The following EXD1 variants were observed in gnomAD, a reference collection of about 807,000 sequenced individuals.
EXD1 encodes the protein exonuclease 3'-5' domain containing 1, also known as piRNA biogenesis protein EXD1.
Under a neutral mutation model 49.1 loss-of-function variants are expected in EXD1, and 63 were observed. The ratio of observed to expected loss-of-function variants is 1.28; its 90% CI spans 1.05 to 1.58. The LOEUF (loss-of-function observed/expected upper bound fraction) is 1.58. Among genes scored for constraint, EXD1 ranks in the 40% most tolerant of loss-of-function variants. The pLI, the probability that EXD1 is intolerant of heterozygous loss-of-function variation, is 0.00. For missense variants in EXD1, 748 were observed against 666.0 expected (o/e 1.12, Z -1.36); for synonymous variants, 234 against 239.2 (o/e 0.98, Z 0.20).
chr15:41,220,271 C>T (rs1345016590), intron 2 of EXD1, among the ~76,000 whole-genome samples: 1 of 151,502 alleles, frequency 6.6e-6, no homozygotes, highest in African/African-American at 2.4e-5. Context: ...GGGCAGCCTG[C>T]AACTTTTTTT....
Position 41,184,220 on chromosome 15 carries a change from G to A in EXD1, c.1430C>T (p.Ser477Leu), listed in dbSNP as rs2046368557. ...NKLICTKSKG[S>L]EDQRITQKEH... ...TTTCTGAGTTATTCTCTGGTCCTCT[G>A]ACCCCTTTGACTTTGTGCAAATGAG... The change falls in exon 12 of 12, where the codon TCA (serine) becomes TTA (leucine). Residue 477 changes from serine (S) to leucine (L), a missense_variant. By Grantham distance (145) the Ser-to-Leu change is moderately radical. Coordinates refer to ENST00000458580, the MANE Select transcript of EXD1 (RefSeq NM_001286441.2). 6.2e-7 allele frequency: 1 copy of A among 1,614,026 alleles called. No homozygotes were observed. The highest frequency in any genetic ancestry group is 8.5e-7 in the Non-Finnish European group (1 of 1,180,046).
At chr15:41,192,843 G>A (rs1406403804) in intron 9 of EXD1, among the ~76,000 whole-genome samples, 9 of 146,928 alleles carry the variant, frequency 6.1e-5, no homozygotes, top group African/African-American at 2.0e-4. Flanking sequence ...TCGCCCAGGC[G>A]GGAGTGCTGT....
chr15:41,217,561 C>A (rs1478377109), intron 3 of EXD1, among the ~76,000 whole-genome samples: 1 of 131,080 alleles, frequency 7.6e-6, no homozygotes, highest in Non-Finnish European at 1.5e-5. Context: ...GATGAAGTCT[C>A]GCACTGTTGC....
At chr15:41,224,681 G>C (rs757449865) in intron 2 of EXD1, among the ~76,000 whole-genome samples, 1 of 152,180 alleles carries the variant, frequency 6.6e-6, no homozygotes, top group Admixed American at 6.6e-5. Context: ...TGTCCTGGCT[G>C]GGCATGGTGG....
At position 41,222,371 on chromosome 15, in the gene EXD1, C is replaced by CT. The variant is rs1344963329; in HGVS notation, c.134-2474dup. ...CGGAGGTTGCAGTGAGTCGAGATCC[C>CT]TCCCAAAGTGCTGAGATTATAGGCA... On this transcript the variant is annotated intron_variant, in intron 2 of 11. Coordinates refer to ENST00000458580, the MANE Select transcript of EXD1 (RefSeq NM_001286441.2). Among the ~76,000 whole-genome samples, 11 of 152,248 alleles carry CT rather than the reference C, an allele frequency of 7.2e-5. No individual in the cohort carries two copies. In the East Asian group the frequency reaches 2.1e-3, roughly 29 times the overall value.
At chr15:41,203,146 A>G (rs996500785) in intron 7 of EXD1, among the ~76,000 whole-genome samples, 11 of 152,278 alleles carry the variant, frequency 7.2e-5, no homozygotes, top group South Asian at 4.1e-4. Flanking sequence ...ACAAAACAAT[A>G]AAAATAAAGG....
Position 41,209,650 on chromosome 15 carries a change from T to G in EXD1, c.448-63A>C, listed in dbSNP as rs1190558740. On this transcript the variant is annotated intron_variant, in intron 6 of 11. Coordinates refer to ENST00000458580, the MANE Select transcript of EXD1 (RefSeq NM_001286441.2). ...AATAAATGTTGGCATGATAACATCA[T>G]GATTGGCACAAATACAATGGTCAGC... The G allele has an allele frequency of 2.9e-6, 4 of 1,378,800 alleles. No homozygotes were observed. In the African/African-American group the frequency reaches 5.7e-5, roughly 20 times the overall value. 85.4% of individuals were successfully genotyped at this position (1,378,800 alleles called of 1,614,324 possible). A position where few individuals can be genotyped will look rare whatever the true frequency, so the allele number is the denominator to read the frequency against.
intron 6 of EXD1, among the ~76,000 whole-genome samples, chr15:41,214,775 T>C (rs962423785): frequency 1.6e-4 from 25 of 152,004 alleles, no homozygotes; most frequent in African/African-American, 6.0e-4. Context: ...AGATGGAGTC[T>C]CGCTCTGTCA....
intron 6 of EXD1, among the ~76,000 whole-genome samples, chr15:41,211,621 G>A (rs2046922356): frequency 6.6e-6 from 1 of 151,700 alleles, no homozygotes; most frequent in Non-Finnish European, 1.5e-5. Flanking sequence ...CCAGGAGTTC[G>A]AGACCAGCCA....
intron 6 of EXD1, among the ~76,000 whole-genome samples, chr15:41,210,184 G>C (rs1250430130): frequency 6.6e-6 from 1 of 152,070 alleles, no homozygotes; most frequent in Non-Finnish European, 1.5e-5. Context: ...CAAAGTGCTG[G>C]GATTACAGGT....
intron 6 of EXD1, among the ~76,000 whole-genome samples, chr15:41,213,040 CA>C (rs1396631530): frequency 2.0e-5 from 3 of 151,124 alleles, no homozygotes; most frequent in Admixed American, 6.6e-5. Context: ...GACCCCGTCT[CA>C]AAAAAATTTT....
chr15:41,227,585 A>C (rs1393179540), intron 1 of EXD1, among the ~76,000 whole-genome samples: 3 of 151,430 alleles, frequency 2.0e-5, no homozygotes, highest in Non-Finnish European at 2.9e-5. Flanking sequence ...CAGGAGAATC[A>C]CTTGAACCCG....
At chr15:41,230,082 CTTTTT>C (rs1156382525) in intron 1 of EXD1, among the ~76,000 whole-genome samples, 1 of 122,268 alleles carries the variant, frequency 8.2e-6, no homozygotes, top group Non-Finnish European at 1.7e-5. Flanking sequence ...TGGCTTTTAC[CTTTTT>C]TTTTTTTTTT....
intron 9 of EXD1, 120 bp from the exon 10 acceptor site, chr15:41,191,705 C>A (rs2046521768): frequency 4.5e-6 from 4 of 892,436 alleles, no homozygotes; most frequent in Middle Eastern, 2.3e-4. Context: ...ACACGATAGA[C>A]CATGTCATCG....
intron 2 of EXD1, among the ~76,000 whole-genome samples, chr15:41,222,604 A>G (rs2047105832): frequency 6.8e-6 from 1 of 147,978 alleles, no homozygotes; most frequent in Non-Finnish European, 1.5e-5. Flanking sequence ...CTGTCTACCT[A>G]TTTGTCTATT....
intron 7 of EXD1, among the ~76,000 whole-genome samples, chr15:41,201,729 C>T (rs890240557): frequency 6.6e-6 from 1 of 152,046 alleles, no homozygotes; most frequent in Non-Finnish European, 1.5e-5. Context: ...ACCTCGTGAT[C>T]CGCCTGCCTC....
chr15:41,217,047 A>T, intron 4 of EXD1, 50 bp downstream of exon 4: 1 of 1,510,282 alleles, frequency 6.6e-7, no homozygotes, highest in Non-Finnish European at 9.2e-7. Flanking sequence ...TTTCTACCCT[A>T]ATGTGCACAT....
chr15:41,205,081 G>A lies in EXD1; in HGVS notation c.534+4420C>T, dbSNP rs189820598. On this transcript the variant is annotated intron_variant, in intron 7 of 11. Coordinates refer to ENST00000458580, the MANE Select transcript of EXD1 (RefSeq NM_001286441.2). ...TAAACATAAAAATGGACAATTACCC[G>A]TGTATCTTTGAGTCTTCGTTCTGAA... is the stretch of plus-strand genomic sequence containing the variant. Among the ~76,000 whole-genome samples the A allele has an allele frequency of 3.9e-5, 6 of 152,230 alleles. No individual in the cohort carries two copies. The East Asian group carries it at 9.6e-4, about 24-fold the overall frequency.
intron 2 of EXD1, 48 bp downstream of exon 2, chr15:41,226,395 A>G (rs1364119825): frequency 3.3e-6 from 5 of 1,517,542 alleles, no homozygotes; most frequent in Non-Finnish European, 4.4e-6. Flanking sequence ...CTGAAAGTCA[A>G]TCACTAATCT....
Sources: gnomAD v4.1 joint callset for allele counts (sites outside exome capture counted in the v4.1 genomes callset) on GRCh38, gnomAD v4.1.1 for gene constraint, MANE v1.5 for transcripts, NCBI Gene and HGNC (gene_info 2026-07-23, HGNC 2026-07-21) for gene names.